Variants in MYO1E observed in about 807,000 individuals in gnomAD.
MYO1E encodes unconventional myosin-Ie.
Under a neutral mutation model 151.1 loss-of-function variants are expected in MYO1E, and 68 were observed. The ratio of observed to expected loss-of-function variants is 0.45; its 90% confidence interval spans 0.37 to 0.55. The LOEUF is 0.55. MYO1E is among the 20% of genes least tolerant of loss of function. The pLI is 0.00. For synonymous variants in MYO1E, 601 were observed against 501.7 expected (o/e 1.20, Z -2.64); for missense variants, 1,363 against 1,389.3 (o/e 0.98, Z 0.30).
At chr15:59,138,397 G>A (rs2079387195) in intron 26 of MYO1E, 30 bp from the exon 27 acceptor site, 2 of 1,612,338 alleles carry the variant, frequency 1.2e-6, no homozygotes, top group African/African-American at 1.3e-5. Flanking sequence ...GATGAGACTG[G>A]GCCCCAACAG....
chr15:59,372,501 G>C lies in MYO1E; in HGVS notation c.-1C>G, dbSNP rs554973305. ...GGACGCGGCGCGGCCAACTCACCAT[G>C]GTGACTCGCGCCGCGGTCGCGTCTT... On this transcript the variant is annotated 5_prime_UTR_variant, in exon 1 of 28. Transcript: ENST00000288235. 2 of 1,537,664 alleles carry C rather than the reference G, an allele frequency of 1.3e-6. No individual in the cohort carries two copies. The highest frequency in any genetic ancestry group is 2.5e-5 in the East Asian group (1 of 40,652).
At chr15:59,306,386 A>G (rs8039261) in intron 1 of MYO1E, among the ~76,000 whole-genome samples, 22,009 of 152,222 alleles carry the variant, frequency 0.14, 2,437 homozygotes, top group African/African-American at 0.31. Flanking sequence ...AGCCTAGGGC[A>G]CATTAATGAA....
chr15:59,312,619 C>A (rs1235406446), intron 1 of MYO1E, among the ~76,000 whole-genome samples: 2 of 152,192 alleles, frequency 1.3e-5, no homozygotes, highest in Non-Finnish European at 2.9e-5. Context: ...CTGCCTCAGC[C>A]TCCCAAAGTG....
At chr15:59,207,748 G>C (rs569167653) in intron 14 of MYO1E, 4 of 1,614,092 alleles carry the variant, frequency 2.5e-6, no homozygotes, top group Non-Finnish European at 3.4e-6. Context: ...TATAGGAACT[G>C]ATAAAGATCC....
At chr15:59,368,048 G>A (rs774090855) in intron 1 of MYO1E, among the ~76,000 whole-genome samples, 23 of 152,108 alleles carry the variant, frequency 1.5e-4, no homozygotes, top group Non-Finnish European at 2.9e-4. Context: ...GAACCTGGGA[G>A]GCAGAGGTTA....
At chr15:59,267,527 G>A (rs554115061) in intron 2 of MYO1E, among the ~76,000 whole-genome samples, 1 of 152,322 alleles carries the variant, frequency 6.6e-6, no homozygotes, top group South Asian at 2.1e-4. Context: ...CCCCTCCAGT[G>A]AACTGGATGC....
At chr15:59,300,973 T>C (rs1444556108) in intron 1 of MYO1E, among the ~76,000 whole-genome samples, 1 of 151,242 alleles carries the variant, frequency 6.6e-6, no homozygotes, top group Non-Finnish European at 1.5e-5. Context: ...GTTCAAGAGA[T>C]TCTCCTGCCT....
intron 14 of MYO1E, chr15:59,208,349 C>G (rs1364682066): frequency 1.8e-6 from 1 of 551,196 alleles, no homozygotes; most frequent in East Asian, 3.3e-5. Flanking sequence ...ATTTGGTTCC[C>G]AAAAAGTAGG....
intron 5 of MYO1E, among the ~76,000 whole-genome samples, chr15:59,236,369 T>TATATATACACACAC (rs1392466770): frequency 2.4e-4 from 28 of 117,736 alleles, no homozygotes; most frequent in East Asian, 1.3e-3. Flanking sequence ...AAAAAATATA[T>TATATATACACACAC]ACACACACAC....
intron 4 of MYO1E, among the ~76,000 whole-genome samples, chr15:59,244,317 C>T (rs1566990421): frequency 6.6e-6 from 1 of 152,252 alleles, no homozygotes; most frequent in Non-Finnish European, 1.5e-5. Context: ...AAGTTTGAGT[C>T]CCAGCCCAGC....
chr15:59,170,447 T>C (rs1424882394), intron 22 of MYO1E, among the ~76,000 whole-genome samples: 1 of 152,124 alleles, frequency 6.6e-6, no homozygotes, highest in African/African-American at 2.4e-5. Flanking sequence ...GAGCTTCCTG[T>C]TGGGTTTCCA....
chr15:59,222,342 T>C (rs2079961063), intron 9 of MYO1E, among the ~76,000 whole-genome samples: 1 of 152,210 alleles, frequency 6.6e-6, no homozygotes, highest in African/African-American at 2.4e-5. Context: ...GCCTGCAAGC[T>C]GTTGATGCCT....
chr15:59,244,703 C>T (rs1366432528), intron 4 of MYO1E, among the ~76,000 whole-genome samples: 1 of 152,152 alleles, frequency 6.6e-6, no homozygotes, highest in Non-Finnish European at 1.5e-5. Context: ...ATTTCAAATG[C>T]AAGATTTTAA....
In MYO1E at chr15:59,197,942, G is replaced by A. The variant is rs565260311; in HGVS notation, c.1699-2375C>T. Reference sequence around the variant, plus strand: ...AGTGGCATGATCACAGCTCACTGGAGCCTTGGCCTCCCAAGCTCGAGTGAT... The same window carrying A: ...AGTGGCATGATCACAGCTCACTGGAACCTTGGCCTCCCAAGCTCGAGTGAT... On this transcript the variant is annotated intron_variant, in intron 16 of 27. Coordinates refer to ENST00000288235, the MANE Select transcript of MYO1E (RefSeq NM_004998.4). Among the ~76,000 whole-genome samples, 13 of 152,276 alleles carry A rather than the reference G, an allele frequency of 8.5e-5. No homozygotes were observed. In the South Asian group the frequency reaches 1.7e-3, roughly 19 times the overall value.
rs770319607 is a variant in MYO1E at position 59,223,138 on chromosome 15, C to T, written c.831G>A (p.Gln277=). 4 of 1,614,234 alleles carry T rather than the reference C, an allele frequency of 2.5e-6. No homozygotes were observed. Among genetic ancestry groups the T allele is most frequent in the Non-Finnish European group, 3.4e-6 (4 of 1,180,042 alleles). ...IFAEEQTLVL[Q]IVAGILHLGN... is the part of the protein sequence containing the mutation. ...CCAGGTGGAGAATACCCGCCACTATCTGCAACACCAGCGTTTGCTCTTCTG... is the reference window on the plus strand; with the variant it reads ...CCAGGTGGAGAATACCCGCCACTATTTGCAACACCAGCGTTTGCTCTTCTG... The change falls in exon 9 of 28, where the codon CAG becomes CAA. Residue 277 remains glutamine (Q), a synonymous_variant. Coordinates refer to ENST00000288235, the MANE Select transcript of MYO1E (RefSeq NM_004998.4).
intron 1 of MYO1E, among the ~76,000 whole-genome samples, chr15:59,321,288 C>T (rs1237266994): frequency 1.3e-5 from 2 of 152,176 alleles, no homozygotes; most frequent in Non-Finnish European, 2.9e-5. Flanking sequence ...TCTCAAAGAA[C>T]CTAAAACAGA....
chr15:59,191,311 T>C (rs1454769224), intron 17 of MYO1E, among the ~76,000 whole-genome samples: 2 of 127,700 alleles, frequency 1.6e-5, no homozygotes, highest in African/African-American at 7.7e-5. Context: ...CCTTTGCCCA[T>C]ATAAGTCAGA....
In MYO1E at chr15:59,178,125, A is replaced by G. The variant is rs1347768993; in HGVS notation, c.2049+268T>C. Among the ~76,000 whole-genome samples, 6 of 152,218 alleles carry G rather than the reference A, an allele frequency of 3.9e-5. 1 individual carries two copies. The East Asian group carries it at 1.2e-3, about 29-fold the overall frequency. On this transcript the variant is annotated intron_variant, in intron 19 of 27. Transcript: ENST00000288235. ...TGTAGCAGCTAGAGAGGAGCGAGACAGTCAGCGAGGAAGGAGCCACTCTCT... is the reference window on the plus strand; with the variant it reads ...TGTAGCAGCTAGAGAGGAGCGAGACGGTCAGCGAGGAAGGAGCCACTCTCT...
intron 26 of MYO1E, among the ~76,000 whole-genome samples, chr15:59,142,920 CAAAAAAAA>C (rs10717979): frequency 2.3e-4 from 20 of 87,236 alleles, no homozygotes; most frequent in African/African-American, 6.3e-4. Context: ...TAATTAGGTG[CAAAAAAAA>C]AAAAAAAAAA....
Sources: allele counts gnomAD v4.1 joint callset (sites outside exome capture counted in the v4.1 genomes callset), GRCh38; gene constraint gnomAD v4.1.1; transcripts MANE v1.5; gene names NCBI Gene and HGNC (gene_info 2026-07-23, HGNC 2026-07-21).